RBM48: variants seen among roughly 807,000 people sequenced by gnomAD.
RBM48 encodes RNA-binding protein 48.
Under a neutral mutation model 34.8 loss-of-function variants are expected in RBM48, and 32 were observed. The ratio of observed to expected loss-of-function variants is 0.92; its 90% confidence interval spans 0.69 to 1.23. The LOEUF is 1.23. RBM48 is among the 50% of genes most tolerant of loss of function. The probability of loss-of-function intolerance (pLI) is 0.00; values close to 1 mark genes in which losing one functional copy is unlikely to be tolerated. For missense variants in RBM48, 441 were observed against 447.2 expected (o/e 0.99, Z 0.12); for synonymous variants, 151 against 156.2 (o/e 0.97, Z 0.25).
intron 2 of RBM48, among the ~76,000 whole-genome samples, chr7:92,530,847 A>C (rs1793557782): frequency 6.6e-6 from 1 of 152,144 alleles, no homozygotes; most frequent in South Asian, 2.1e-4. Context: ...TGGAAGGCCA[A>C]GGTAGGCAGA....
intron 4 of RBM48, chr7:92,535,719 A>T: frequency 1.0e-6 from 1 of 984,572 alleles, no homozygotes; most frequent in Non-Finnish European, 1.2e-6. Context: ...TTACAATGTG[A>T]TTAAGGGAGG....
rs533066830 is a variant in RBM48, at chr7:92,539,036, G to T, written c.*2099G>T. ...AAAGATTCAAATTAAGTTGGTTTGG[G>T]TGGGGCCTGAGATTCTGCATTTTTC... is the stretch of plus-strand genomic sequence containing the variant. On this transcript the variant is annotated 3_prime_UTR_variant, in exon 5 of 5. Coordinates refer to ENST00000265732, the MANE Select transcript of RBM48 (RefSeq NM_032120.4). Among the ~76,000 whole-genome samples the T allele has an allele frequency of 5.3e-5, 8 of 152,280 alleles. No individual in the cohort carries two copies. The East Asian group carries it at 1.5e-3, about 29-fold the overall frequency.
rs762262735 is a variant in RBM48 at position 92,536,943 on chromosome 7, C to T, written c.*6C>T. On this transcript the variant is annotated 3_prime_UTR_variant, in exon 5 of 5. Coordinates refer to ENST00000265732, the MANE Select transcript of RBM48 (RefSeq NM_032120.4). Reference sequence around the variant, plus strand: ...AACAAAGAAGAAGAATATAGAGTGCCAGCAGCAACTTAGTATTTTCTAAAA... The same window carrying T: ...AACAAAGAAGAAGAATATAGAGTGCTAGCAGCAACTTAGTATTTTCTAAAA... The T allele has an allele frequency of 1.9e-6, 3 of 1,564,326 alleles. No individual in the cohort carries two copies. In the South Asian group the frequency reaches 3.6e-5, roughly 19 times the overall value.
chr7:92,536,050 A>C (rs1793703362), intron 4 of RBM48: 3 of 515,940 alleles, frequency 5.8e-6, no homozygotes, highest in Non-Finnish European at 7.5e-6. Flanking sequence ...AGGGTACTTG[A>C]GTCTGGGAGG....
chr7:92,529,341 T>G (rs1000791010), intron 1 of RBM48, 135 bp from the exon 2 acceptor site: 10 of 603,876 alleles, frequency 1.7e-5, no homozygotes, highest in Non-Finnish European at 2.9e-5. Flanking sequence ...GGCAGAAATT[T>G]CATTTTGTGT....
intron 2 of RBM48, 54 bp from the exon 3 acceptor site, chr7:92,532,350 T>C: frequency 6.7e-7 from 1 of 1,499,626 alleles, no homozygotes; most frequent in South Asian, 1.2e-5. Context: ...AGTTAAGCTT[T>C]CATCCCAAGT....
Position 92,536,639 on chromosome 7 carries a change from A to G in RBM48, c.1018-212A>G, listed in dbSNP as rs562874256. The stretch of plus-strand genomic sequence containing the variant: ...TCCTCCAAATTTTTTTTCTTTTTAA[A>G]TAGCTTTAGAAATTTTACTGTCATC... On this transcript the variant is annotated intron_variant, in intron 4 of 4. Coordinates refer to ENST00000265732, the MANE Select transcript of RBM48 (RefSeq NM_032120.4). 4 of 1,184,338 alleles carry G rather than the reference A, an allele frequency of 3.4e-6. No individual in the cohort carries two copies. In the African/African-American group the frequency reaches 6.3e-5, roughly 19 times the overall value. 73.4% of individuals were successfully genotyped at this position (1,184,338 alleles called of 1,614,324 possible). A position where few individuals can be genotyped will look rare whatever the true frequency, so the allele number is the denominator to read the frequency against.
intron 4 of RBM48, 73 bp from the exon 5 acceptor site, chr7:92,536,778 C>G: frequency 6.7e-7 from 1 of 1,485,558 alleles, no homozygotes; most frequent in Non-Finnish European, 8.9e-7. Context: ...TGTAGTCTTA[C>G]CTCTTCTAAT....
intron 4 of RBM48, 150 bp downstream of exon 4, chr7:92,535,120 AT>A: frequency 6.9e-7 from 1 of 1,455,712 alleles, no homozygotes; most frequent in Non-Finnish European, 9.0e-7. Context: ...AAATAACTGA[AT>A]TTGGCTAACA....
At chr7:92,530,706 A>C (rs568804830) in intron 2 of RBM48, among the ~76,000 whole-genome samples, 1 of 152,138 alleles carries the variant, frequency 6.6e-6, no homozygotes, top group Admixed American at 6.5e-5. Context: ...AGGCTGAGGC[A>C]CAAGTATCAC....
Position 92,534,249 on chromosome 7 carries a change from T to C in RBM48, c.449-153T>C, listed in dbSNP as rs1388418935. 18 of 1,136,694 alleles carry C rather than the reference T, an allele frequency of 1.6e-5. No homozygotes were observed. The Admixed American group carries it at 3.5e-4, about 22-fold the overall frequency. 70.4% of individuals were successfully genotyped at this position (1,136,694 alleles called of 1,614,324 possible). ...TTTATCCGTTTTAGGTTTTAAACCA[T>C]GTGAATATATACCCTTCTCAAGAAA... On this transcript the variant is annotated intron_variant, in intron 3 of 4. Transcript: ENST00000265732.
intron 3 of RBM48, among the ~76,000 whole-genome samples, chr7:92,533,690 T>G (rs1207446606): frequency 6.6e-6 from 1 of 152,168 alleles, no homozygotes; most frequent in Non-Finnish European, 1.5e-5. Flanking sequence ...TCAAAAACTC[T>G]TATTATGGAA....
At chr7:92,529,139 T>C in intron 1 of RBM48, 1 of 598,572 alleles carries the variant, frequency 1.7e-6, no homozygotes, top group Non-Finnish European at 3.0e-6. Context: ...TAGGCCTTGG[T>C]TTTAGTCATT....
intron 4 of RBM48, chr7:92,535,459 A>C (rs1037648511): frequency 3.0e-6 from 3 of 998,532 alleles, no homozygotes; most frequent in African/African-American, 3.5e-5. Context: ...ATGCATTTCA[A>C]ATGTAGACTT....
intron 3 of RBM48, among the ~76,000 whole-genome samples, chr7:92,533,987 AAACC>A (rs1793639520): frequency 6.6e-6 from 1 of 150,614 alleles, no homozygotes; most frequent in East Asian, 2.3e-4. Flanking sequence ...AAAAAAAAAA[AAACC>A]TTTCTATATA....
chr7:92,530,494 CA>C (rs112647482), intron 2 of RBM48, among the ~76,000 whole-genome samples: 16,518 of 116,806 alleles, frequency 0.14, 1,245 homozygotes, highest in East Asian at 0.36. Context: ...GGCTCTGTCT[CA>C]AAAAAAAAAA....
Position 92,528,838 on chromosome 7 carries a change from G to C in RBM48, c.25G>C (p.Gly9Arg), listed in dbSNP as rs367557608. The C allele has an allele frequency of 1.7e-5, 27 of 1,614,108 alleles. No homozygotes were observed. In the African/African-American group the frequency reaches 3.2e-4, roughly 19 times the overall value. The change falls in exon 1 of 5, where the codon GGG (glycine) becomes CGG (arginine). Residue 9 changes from glycine to arginine, a missense_variant. By Grantham distance (125) the Gly-to-Arg change is moderately radical. Transcript: ENST00000265732. MASSGGEL[G>R]SLFDHHVQRA... ...GATGGCGTCGAGCGGCGGGGAGCTA[G>C]GGAGTTTATTTGATCACCACGTCCA...
In RBM48 at chr7:92,539,567, C is replaced by G. The variant is rs1253206408; in HGVS notation, c.*2630C>G. Among the ~76,000 whole-genome samples, 1 of 152,080 alleles carries G rather than the reference C, an allele frequency of 6.6e-6. No individual in the cohort carries two copies. Among genetic ancestry groups the G allele is most frequent in the African/African-American group, 2.4e-5 (1 of 41,402 alleles). ...AAATACAAAAAGCCAGGCGTGGTGG[C>G]AAATGCCTATAATCCCAGCTACTCG... On this transcript the variant is annotated 3_prime_UTR_variant, in exon 5 of 5. Transcript: ENST00000265732.
rs781348758 is a variant in RBM48 at position 92,532,601 on chromosome 7, G to C, written c.448+52G>C. 3.0e-6 allele frequency: 4 copies of C among 1,355,624 alleles called. No homozygotes were observed. The African/African-American group carries it at 4.4e-5, about 15-fold the overall frequency. 84.0% of individuals were successfully genotyped at this position (1,355,624 alleles called of 1,614,324 possible). A position where few individuals can be genotyped will look rare whatever the true frequency, so the allele number is the denominator to read the frequency against. Reference sequence around the variant, plus strand: ...TCCTGTGTGTCAGGCACTCTGCCAGGTGTGTCATCATGCAATTCCCAGTCT... The same window carrying C: ...TCCTGTGTGTCAGGCACTCTGCCAGCTGTGTCATCATGCAATTCCCAGTCT... On this transcript the variant is annotated intron_variant, in intron 3 of 4. Coordinates refer to ENST00000265732, the MANE Select transcript of RBM48 (RefSeq NM_032120.4).
Sources: gnomAD v4.1 joint callset for allele counts (sites outside exome capture counted in the v4.1 genomes callset) on GRCh38, gnomAD v4.1.1 for gene constraint, MANE v1.5 for transcripts, NCBI Gene and HGNC (gene_info 2026-07-23, HGNC 2026-07-21) for gene names.